The following PAH variants were observed in gnomAD, a reference collection of about 807,000 sequenced individuals.
PAH encodes the protein phenylalanine-4-hydroxylase.
In PAH, 64 loss-of-function variants were observed where a neutral mutation model predicts 62.0. The ratio of observed to expected loss-of-function variants is 1.03; its 90% CI spans 0.84 to 1.27. The LOEUF (loss-of-function observed/expected upper bound fraction) is 1.27. Ranked by LOEUF, PAH falls within the 50% of genes most tolerant of loss-of-function variation. The probability of loss-of-function intolerance (pLI) is 0.00; values close to 1 mark genes in which losing one functional copy is unlikely to be tolerated. For synonymous variants in PAH, 195 were observed against 196.2 expected (o/e 0.99, Z 0.05); for missense variants, 579 against 542.8 (o/e 1.07, Z -0.66).
chr12:102,878,685 G>A (rs545411947), intron 3 of PAH, among the ~76,000 whole-genome samples: 76 of 148,616 alleles, frequency 5.1e-4, no homozygotes, highest in African/African-American at 2.0e-3. Flanking sequence ...GAGAAAACAA[G>A]ATAAGGAAGG....
In PAH at chr12:102,838,523, G is replaced by C. The variant is rs534358723; in HGVS notation, c.*652C>G. 1.3e-5 allele frequency: 2 copies of C among 152,280 alleles called. No individual in the cohort carries two copies. The highest frequency in any genetic ancestry group is 3.9e-4 in the East Asian group (2 of 5,190). 9.4% of individuals were successfully genotyped at this position (152,280 alleles called of 1,614,324 possible). Reference sequence around the variant, plus strand: ...CAGACTTGATAATTAATTGGAAAATGATACTGGAAGTTATGGGGATTAGGT... The same window carrying C: ...CAGACTTGATAATTAATTGGAAAATCATACTGGAAGTTATGGGGATTAGGT... On this transcript the variant is annotated 3_prime_UTR_variant, in exon 13 of 13. Coordinates refer to ENST00000553106, the MANE Select transcript of PAH (RefSeq NM_000277.3).
At chr12:102,892,412 A>T (rs543423532) in intron 3 of PAH, among the ~76,000 whole-genome samples, 82 of 152,310 alleles carry the variant, frequency 5.4e-4, no homozygotes, top group African/African-American at 1.9e-3. Flanking sequence ...AAAGAAGTTA[A>T]CCTCAGCAAT....
At chr12:102,850,552 G>T (rs1052660349) in intron 8 of PAH, among the ~76,000 whole-genome samples, 1 of 152,134 alleles carries the variant, frequency 6.6e-6, no homozygotes, top group Non-Finnish European at 1.5e-5. Context: ...TGATTCTTGT[G>T]CTTCTTTGTG....
At chr12:102,916,685 G>A in intron 1 of PAH, 1 of 266,538 alleles carries the variant, frequency 3.8e-6, no homozygotes, top group Non-Finnish European at 7.4e-6. Context: ...TATTACAAAA[G>A]AAATCTAGAA....
chr12:102,944,147 T>C (rs964126547), intron 1 of PAH, among the ~76,000 whole-genome samples: 8 of 152,232 alleles, frequency 5.3e-5, no homozygotes, highest in African/African-American at 1.9e-4. Flanking sequence ...GTATTGGAGA[T>C]CCGTTGCACG....
intron 2 of PAH, among the ~76,000 whole-genome samples, chr12:102,895,869 A>AAAAAAATATATATAT (rs953209518): frequency 1.7e-5 from 2 of 118,744 alleles, no homozygotes; most frequent in African/African-American, 7.1e-5. Flanking sequence ...AAAAAAAAAA[A>AAAAAAATATATATAT]ATATATATAT....
chr12:102,843,607 G>A, intron 11 of PAH, 39 bp downstream of exon 11: 1 of 1,611,938 alleles, frequency 6.2e-7, no homozygotes, highest in Non-Finnish European at 8.5e-7. Context: ...CAGTCAGGAG[G>A]CCCCCAGAGC....
intron 2 of PAH, among the ~76,000 whole-genome samples, chr12:102,901,814 T>C (rs1877772013): frequency 6.6e-6 from 1 of 152,136 alleles, no homozygotes; most frequent in Admixed American, 6.5e-5. Flanking sequence ...CTTAGGTAAA[T>C]AGACAGGACC....
chr12:102,885,180 T>C (rs1289551587), intron 3 of PAH, among the ~76,000 whole-genome samples: 1 of 152,192 alleles, frequency 6.6e-6, no homozygotes, highest in Non-Finnish European at 1.5e-5. Context: ...GCCTTGAGTC[T>C]GCCCCATCCT....
At chr12:102,859,941 C>G (rs1485216736) in intron 5 of PAH, among the ~76,000 whole-genome samples, 1 of 152,246 alleles carries the variant, frequency 6.6e-6, no homozygotes, top group Admixed American at 6.5e-5. Flanking sequence ...CCCTCTCTCA[C>G]TACTCCTATT....
rs1555203677 is a variant in PAH, at chr12:102,843,695, G to A, written c.1150C>T (p.Pro384Ser). The change falls in exon 11 of 13, where the codon CCC becomes TCC. Residue 384 changes from proline (P) to serine (S), a missense_variant. Pro to Ser is a moderately conservative substitution (Grantham distance 74). Coordinates refer to ENST00000553106, the MANE Select transcript of PAH (RefSeq NM_000277.3). ...IQNYTVTEFQ[P>S]LYYVAESFND... ...AAACTCTCTGCCACGTAATAGAGGG[G>A]CTGGAACTCCGTGACAGTGTAATTT... 1.2e-6 allele frequency: 2 copies of A among 1,613,546 alleles called. No individual in the cohort carries two copies. The highest frequency in any genetic ancestry group is 2.2e-5 in the South Asian group (2 of 91,056).
chr12:102,895,439 C>T (rs1014397509), intron 2 of PAH, among the ~76,000 whole-genome samples: 1 of 152,062 alleles, frequency 6.6e-6, no homozygotes, highest in African/African-American at 2.4e-5. Flanking sequence ...ACTTGCTGGT[C>T]TTAATTATAC....
At chr12:102,917,344 G>C, upstream of PAH, 1 of 602,628 alleles carries the variant, frequency 1.7e-6, no homozygotes. Flanking sequence ...GGATGCTCCA[G>C]GTCACCTGCC....
chr12:102,900,420 A>ATACT (rs1877705864), intron 2 of PAH, among the ~76,000 whole-genome samples: 1 of 152,142 alleles, frequency 6.6e-6, no homozygotes, highest in Non-Finnish European at 1.5e-5. Flanking sequence ...ATTGGGGTAA[A>ATACT]TACTTATAAT....
Position 102,853,098 on chromosome 12 carries a change from G to A in PAH, c.707-148C>T, listed in dbSNP as rs373986068. On this transcript the variant is annotated intron_variant, in intron 6 of 12. Coordinates refer to ENST00000553106, the MANE Select transcript of PAH (RefSeq NM_000277.3). ...AGACTTGGCTTCAGATGTCTGCCTC[G>A]CTGCTTTCTAGCTAGGTGATCTGGA... 4.8e-5 allele frequency: 39 copies of A among 807,842 alleles called. 1 individual carries two copies. The highest frequency in any genetic ancestry group is 4.6e-4 in the South Asian group (31 of 67,610). 50.0% of individuals were successfully genotyped at this position (807,842 alleles called of 1,614,324 possible).
intron 1 of PAH, among the ~76,000 whole-genome samples, chr12:102,956,351 G>A (rs979374982): frequency 6.6e-6 from 1 of 152,206 alleles, no homozygotes; most frequent in South Asian, 2.1e-4. Context: ...GCTGGACGGG[G>A]TTCTGGCCAG....
intron 9 of PAH, among the ~76,000 whole-genome samples, chr12:102,845,125 T>C (rs1371729809): frequency 6.6e-6 from 1 of 152,204 alleles, no homozygotes; most frequent in Admixed American, 6.5e-5. Context: ...GGTAGAAGCC[T>C]GTGCAGGTTT....
At chr12:102,941,776 T>C (rs1005479857) in intron 1 of PAH, among the ~76,000 whole-genome samples, 1 of 152,176 alleles carries the variant, frequency 6.6e-6, no homozygotes, top group Non-Finnish European at 1.5e-5. Context: ...TGATTCAACA[T>C]AGGAAAATCA....
intron 2 of PAH, among the ~76,000 whole-genome samples, chr12:102,899,945 A>G (rs1015624379): frequency 2.7e-5 from 4 of 150,194 alleles, no homozygotes; most frequent in African/African-American, 7.4e-5. Context: ...ACTTCAAGAC[A>G]TGAGTGCAGT....
Sources: gnomAD v4.1 joint callset for allele counts (sites outside exome capture counted in the v4.1 genomes callset) on GRCh38, gnomAD v4.1.1 for gene constraint, MANE v1.5 for transcripts, NCBI Gene and HGNC (gene_info 2026-07-23, HGNC 2026-07-21) for gene names.